PARD3: variants seen among roughly 807,000 people sequenced by gnomAD.
The protein encoded by PARD3 is partitioning defective 3 homolog.
Under a neutral mutation model 155.4 loss-of-function variants are expected in PARD3, and 75 were observed. That is an observed-to-expected ratio of 0.48 (90% CI 0.40 to 0.58). The LOEUF (loss-of-function observed/expected upper bound fraction) is 0.58. Among genes scored for constraint, PARD3 ranks in the 20% least tolerant of loss-of-function variants. The pLI is 0.00. For synonymous variants in PARD3, 576 were observed against 610.5 expected, an observed-to-expected ratio of 0.94 and a Z score of 0.83; for missense variants, 1,642 against 1,721.7, an observed-to-expected ratio of 0.95 and a Z score of 0.82.
intron 2 of PARD3, among the ~76,000 whole-genome samples, chr10:34,684,824 C>T (rs71487376): frequency 2.7e-3 from 277 of 102,536 alleles, no homozygotes; most frequent in Non-Finnish European, 3.0e-3. Flanking sequence ...CACACACACA[C>T]ACACACATAT....
At chr10:34,215,104 C>T (rs1208292158) in intron 22 of PARD3, among the ~76,000 whole-genome samples, 2 of 152,160 alleles carry the variant, frequency 1.3e-5, no homozygotes, top group Admixed American at 1.3e-4. Context: ...GAAACTTTGC[C>T]AATAAACGCT....
chr10:34,209,715 T>TA (rs1951648105), intron 22 of PARD3, among the ~76,000 whole-genome samples: 1 of 152,162 alleles, frequency 6.6e-6, no homozygotes, highest in Non-Finnish European at 1.5e-5. Flanking sequence ...TGTGGTTTTT[T>TA]AAAAAAGTGC....
Position 34,461,479 on chromosome 10 carries a change from G to A in PARD3, c.582+8606C>T, listed in dbSNP as rs139494468. On this transcript the variant is annotated intron_variant, in intron 4 of 24. Coordinates refer to ENST00000374788, the MANE Select transcript of PARD3 (RefSeq NM_001184785.2). ...AAATTAGCCGGGTGTGGTAGTGGGC[G>A]CCTGTAATCCCAGCTACTGGGGGGG... Among the ~76,000 whole-genome samples the A allele has an allele frequency of 9.2e-3, 1,403 of 152,106 alleles. 22 individuals are homozygous for A. Among genetic ancestry groups the A allele is most frequent in the African/African-American group, 0.032 (1,327 of 41,480 alleles).
At chr10:34,178,479 T>C (rs1406900210) in intron 22 of PARD3, among the ~76,000 whole-genome samples, 2 of 152,158 alleles carry the variant, frequency 1.3e-5, no homozygotes, top group African/African-American at 4.8e-5. Context: ...AAAAAAGAAA[T>C]GCAGGAGGGA....
intron 7 of PARD3, among the ~76,000 whole-genome samples, chr10:34,398,986 G>C (rs10827362): frequency 0.57 from 87,072 of 152,096 alleles, 26,744 homozygotes; most frequent in African/African-American, 0.82. Context: ...CCCAAAAAAA[G>C]TGCTTTTAAG....
chr10:34,202,653 T>C lies in PARD3; in HGVS notation c.3419+67004A>G, dbSNP rs117298009. Among the ~76,000 whole-genome samples, 1,493 of 152,338 alleles carry C rather than the reference T, an allele frequency of 9.8e-3. 9 individuals carry two copies. The highest frequency in any genetic ancestry group is 0.011 in the Non-Finnish European group (744 of 68,028). On this transcript the variant is annotated intron_variant, in intron 22 of 24. Coordinates refer to ENST00000374788, the MANE Select transcript of PARD3 (RefSeq NM_001184785.2). ...ACTCAATAAAACATTCTCTTCCTTT[T>C]ACTCCCTGTTGATTTTGCAAAGGGT...
chr10:34,393,991 C>A (rs1564663106), intron 7 of PARD3, among the ~76,000 whole-genome samples: 1 of 151,978 alleles, frequency 6.6e-6, no homozygotes. Context: ...GCGCACATCA[C>A]CACGCCCAGC....
chr10:34,772,057 G>C (rs1838941850), intron 1 of PARD3, among the ~76,000 whole-genome samples: 1 of 152,208 alleles, frequency 6.6e-6, no homozygotes, highest in African/African-American at 2.4e-5. Flanking sequence ...CAAGCAGAAT[G>C]CAAGATGCAC....
intron 2 of PARD3, among the ~76,000 whole-genome samples, chr10:34,537,484 A>G (rs1207584762): frequency 2.0e-5 from 3 of 152,236 alleles, no homozygotes; most frequent in African/African-American, 2.4e-5. Flanking sequence ...GCCAAAGCCA[A>G]GGAGACAATG....
intron 1 of PARD3, among the ~76,000 whole-genome samples, chr10:34,782,574 T>G (rs1840369188): frequency 6.6e-6 from 1 of 152,190 alleles, no homozygotes; most frequent in Non-Finnish European, 1.5e-5. Flanking sequence ...ATCGAAAGAC[T>G]TAACAGTAGA....
At chr10:34,514,767 T>C (rs1361792509) in intron 3 of PARD3, among the ~76,000 whole-genome samples, 1 of 152,188 alleles carries the variant, frequency 6.6e-6, no homozygotes, top group East Asian at 1.9e-4. Context: ...CAAATGTGGA[T>C]GGTTATGTGT....
intron 22 of PARD3, among the ~76,000 whole-genome samples, chr10:34,167,277 T>A (rs1333522448): frequency 6.6e-6 from 1 of 152,118 alleles, no homozygotes; most frequent in Non-Finnish European, 1.5e-5. Context: ...ACAGAACACC[T>A]CAGGGTCACT....
intron 22 of PARD3, among the ~76,000 whole-genome samples, chr10:34,187,889 T>C (rs1340904531): frequency 6.6e-6 from 1 of 152,180 alleles, no homozygotes; most frequent in Non-Finnish European, 1.5e-5. Flanking sequence ...ATATACTATC[T>C]CTCTACCGTG....
intron 1 of PARD3, among the ~76,000 whole-genome samples, chr10:34,740,110 G>A (rs367987548): frequency 4.6e-5 from 7 of 152,168 alleles, no homozygotes; most frequent in East Asian, 1.9e-4. Context: ...AGAGCCTCCC[G>A]TCCCCACCCC....
chr10:34,598,980 G>A (rs948365570), intron 2 of PARD3, among the ~76,000 whole-genome samples: 4 of 152,100 alleles, frequency 2.6e-5, no homozygotes, highest in African/African-American at 9.6e-5. Context: ...CTGCCAGTGT[G>A]GATACCTCTC....
rs1034135524 is a variant in PARD3 at position 34,418,753 on chromosome 10, T to C, written c.715-16836A>G. On this transcript the variant is annotated intron_variant, in intron 5 of 24. Coordinates refer to ENST00000374788, the MANE Select transcript of PARD3 (RefSeq NM_001184785.2). ...CAGAGGGCAAGTAACTCCAACCTTG[T>C]CCCCTGAGAGAGCTTTAGAATTTCT... Among the ~76,000 whole-genome samples, 5 of 152,088 alleles carry C rather than the reference T, an allele frequency of 3.3e-5. No individual in the cohort carries two copies. The East Asian group carries it at 9.7e-4, about 29-fold the overall frequency.
At position 34,814,971 on chromosome 10, in the gene PARD3, G is replaced by T. The variant is rs745809300; in HGVS notation, c.25C>A (p.Arg9=). The T allele has an allele frequency of 1.3e-6, 2 of 1,546,384 alleles. No homozygotes were observed. The highest frequency in any genetic ancestry group is 2.9e-5 in the African/African-American group (2 of 70,084). Residue 9 remains arginine, a synonymous_variant, in exon 1 of 25, where the codon CGG becomes AGG. Coordinates refer to ENST00000374788, the MANE Select transcript of PARD3 (RefSeq NM_001184785.2). The part of the protein sequence containing the change: MKVTVCFG[R]TRVVVPCGDG... Reference sequence around the variant, plus strand: ...CCGCACGGCACGACCACCCGGGTCCGTCCGAAGCACACGGTCACTTTCATG... The same window carrying T: ...CCGCACGGCACGACCACCCGGGTCCTTCCGAAGCACACGGTCACTTTCATG...
chr10:34,567,533 T>C (rs1464135172), intron 2 of PARD3, among the ~76,000 whole-genome samples: 1 of 152,158 alleles, frequency 6.6e-6, no homozygotes, highest in East Asian at 1.9e-4. Context: ...TTTACACAGG[T>C]TTGACTTAGC....
intron 21 of PARD3, among the ~76,000 whole-genome samples, chr10:34,277,700 TAAA>T (rs2133897319): frequency 6.6e-6 from 1 of 152,200 alleles, no homozygotes; most frequent in Non-Finnish European, 1.5e-5. Context: ...CCCTCAATGC[TAAA>T]ATGAGATGAA....
Sources: gnomAD v4.1 joint callset for allele counts (sites outside exome capture counted in the v4.1 genomes callset) on GRCh38, gnomAD v4.1.1 for gene constraint, MANE v1.5 for transcripts, NCBI Gene and HGNC (gene_info 2026-07-23, HGNC 2026-07-21) for gene names.